Variants in EPHA6 observed in about 807,000 individuals in gnomAD.
EPHA6 encodes the protein ephrin type-A receptor 6.
A neutral mutation model predicts 112.0 loss-of-function variants in EPHA6; 50 were observed. The observed-to-expected ratio is 0.45, with a 90% confidence interval of 0.36 to 0.56. The LOEUF (loss-of-function observed/expected upper bound fraction) is 0.56. EPHA6 is among the 20% of genes least tolerant of loss of function. The pLI, the probability that EPHA6 is intolerant of heterozygous loss-of-function variation, is 0.00. For missense variants in EPHA6, 1,280 were observed against 1,417.4 expected, an observed-to-expected ratio of 0.90 and a Z score of 1.56; for synonymous variants, 529 against 490.7, an observed-to-expected ratio of 1.08 and a Z score of -1.03.
At chr3:97,443,605 T>C (rs1055276551) in intron 6 of EPHA6, among the ~76,000 whole-genome samples, 2 of 152,082 alleles carry the variant, frequency 1.3e-5, no homozygotes, top group Admixed American at 1.3e-4. Flanking sequence ...CCTATATTAC[T>C]TAATATCTGC....
At chr3:97,058,703 A>G (rs946051235) in intron 3 of EPHA6, among the ~76,000 whole-genome samples, 3 of 152,232 alleles carry the variant, frequency 2.0e-5, no homozygotes, top group Non-Finnish European at 4.4e-5. Context: ...TATTAAAGTG[A>G]ATTTCTCCTT....
chr3:97,481,297 C>G, intron 9 of EPHA6: 1 of 1,540,646 alleles, frequency 6.5e-7, no homozygotes, highest in Non-Finnish European at 9.0e-7. Flanking sequence ...TAAAGAGTAT[C>G]CGTCTTGGAG....
chr3:97,610,856 TGA>T lies in EPHA6; in HGVS notation c.2574+4_2574+5del. 6.2e-7 allele frequency: 1 copy of T among 1,607,342 alleles called. No individual in the cohort carries two copies. Among genetic ancestry groups the T allele is most frequent in the Non-Finnish European group, 8.5e-7 (1 of 1,174,860 alleles). On this transcript the variant is annotated splice_donor_region_variant and intron_variant, in intron 13 of 17. Coordinates refer to ENST00000389672, the MANE Select transcript of EPHA6 (RefSeq NM_001080448.3). ...GGATCCCTAGACTCCTTTTTGCGGG[TGA>T]GGTGTTCTTTTCTGATGGCATTTAA...
At chr3:96,945,041 A>T (rs960212666) in intron 2 of EPHA6, among the ~76,000 whole-genome samples, 1 of 152,230 alleles carries the variant, frequency 6.6e-6, no homozygotes, top group Non-Finnish European at 1.5e-5. Context: ...TCAGCATTTC[A>T]GTTATTCTAA....
At chr3:97,373,553 C>G (rs2085185305) in intron 5 of EPHA6, among the ~76,000 whole-genome samples, 1 of 151,980 alleles carries the variant, frequency 6.6e-6, no homozygotes. Context: ...CTTTTGAAGT[C>G]AGAAAATTGA....
At chr3:96,899,016 A>T (rs1455631244) in intron 2 of EPHA6, among the ~76,000 whole-genome samples, 1 of 150,938 alleles carries the variant, frequency 6.6e-6, no homozygotes, top group Non-Finnish European at 1.5e-5. Flanking sequence ...CGACAGAGCG[A>T]AACTCCATCT....
intron 12 of EPHA6, among the ~76,000 whole-genome samples, chr3:97,593,588 T>C (rs2093563478): frequency 2.0e-5 from 3 of 152,296 alleles, no homozygotes; most frequent in Admixed American, 2.0e-4. Flanking sequence ...TCAGGAGAGC[T>C]GGCCCAGCCT....
At chr3:97,621,854 C>A (rs1465233101) in intron 13 of EPHA6, among the ~76,000 whole-genome samples, 1 of 151,794 alleles carries the variant, frequency 6.6e-6, no homozygotes, top group Non-Finnish European at 1.5e-5. Context: ...AGAGCACTTT[C>A]AATGGCTTGG....
chr3:97,239,085 G>A (rs1302810134), intron 4 of EPHA6, among the ~76,000 whole-genome samples: 1 of 151,884 alleles, frequency 6.6e-6, no homozygotes, highest in Non-Finnish European at 1.5e-5. Context: ...GTAGGTGCAA[G>A]CATATCAAAG....
intron 3 of EPHA6, among the ~76,000 whole-genome samples, chr3:97,008,257 C>T (rs574891709): frequency 1.6e-4 from 25 of 152,134 alleles, no homozygotes; most frequent in African/African-American, 4.8e-4. Context: ...ATCATAGGTT[C>T]GGTCTTTTTA....
chr3:97,497,733 C>T (rs1186535422), intron 10 of EPHA6, among the ~76,000 whole-genome samples: 5 of 151,562 alleles, frequency 3.3e-5, no homozygotes, highest in Admixed American at 6.6e-5. Flanking sequence ...GAGAAGGGAG[C>T]AGGATCATAA....
At chr3:97,422,353 T>C (rs2088732575) in intron 6 of EPHA6, among the ~76,000 whole-genome samples, 1 of 151,874 alleles carries the variant, frequency 6.6e-6, no homozygotes, top group African/African-American at 2.4e-5. Context: ...GGTAAGAAAA[T>C]ACACTCAACT....
At chr3:97,298,236 T>C (rs563008851) in intron 5 of EPHA6, among the ~76,000 whole-genome samples, 313 of 152,294 alleles carry the variant, frequency 2.1e-3, no homozygotes, top group Non-Finnish European at 3.6e-3. Flanking sequence ...TTCCCCAGAA[T>C]GGGAATTTCA....
rs775134765 is a variant in EPHA6 at position 97,648,115 on chromosome 3, C to T, written c.2784+10033C>T. 2.0e-5 allele frequency among the ~76,000 whole-genome samples: 3 copies of T among 152,098 alleles called. No individual in the cohort carries two copies. The East Asian group carries it at 5.8e-4, about 29-fold the overall frequency. ...TTTTATGAGTCCTTGATTTTAACTT[C>T]TAATTGCATCGATTTTGTGTTATCC... On this transcript the variant is annotated intron_variant, in intron 14 of 17. Transcript: ENST00000389672.
chr3:97,360,333 G>A (rs1353622915), intron 5 of EPHA6, among the ~76,000 whole-genome samples: 1 of 152,186 alleles, frequency 6.6e-6, no homozygotes, highest in Non-Finnish European at 1.5e-5. Context: ...GACTCTGCCA[G>A]TGCAATTGTT....
intron 15 of EPHA6, among the ~76,000 whole-genome samples, chr3:97,722,992 A>G (rs1237398598): frequency 1.3e-5 from 2 of 152,186 alleles, no homozygotes. Flanking sequence ...AATAAGTACA[A>G]GAAAGGGGTG....
intron 13 of EPHA6, among the ~76,000 whole-genome samples, chr3:97,616,239 C>T (rs769553712): frequency 1.3e-5 from 2 of 151,824 alleles, no homozygotes; most frequent in African/African-American, 4.8e-5. Context: ...GAAAAGTGGC[C>T]GGACCATTAA....
At chr3:97,668,348 A>G (rs1242028564) in intron 14 of EPHA6, among the ~76,000 whole-genome samples, 1 of 152,176 alleles carries the variant, frequency 6.6e-6, no homozygotes, top group Non-Finnish European at 1.5e-5. Context: ...AAAAGCGTCA[A>G]AGAAGCCAAA....
intron 3 of EPHA6, among the ~76,000 whole-genome samples, chr3:97,101,272 A>G (rs1291004573): frequency 1.3e-5 from 2 of 152,050 alleles, no homozygotes; most frequent in Non-Finnish European, 2.9e-5. Context: ...TAACCACTTC[A>G]TTTTACAAAG....
Sources: gnomAD v4.1 joint callset for allele counts (sites outside exome capture counted in the v4.1 genomes callset) on GRCh38, gnomAD v4.1.1 for gene constraint, MANE v1.5 for transcripts, NCBI Gene and HGNC (gene_info 2026-07-23, HGNC 2026-07-21) for gene names.